AMBRA1: variants seen among roughly 807,000 people sequenced by gnomAD.
AMBRA1 encodes the protein autophagy and beclin 1 regulator 1.
AMBRA1 carries 47 observed loss-of-function variants against 125.4 expected under a neutral mutation model. The observed-to-expected ratio is 0.37, with a 90% CI of 0.30 to 0.48. The LOEUF is 0.48. AMBRA1 is among the 20% of genes least tolerant of loss of function. The pLI, the probability that AMBRA1 is intolerant of heterozygous loss-of-function variation, is 0.99. For missense variants in AMBRA1, 1,331 were observed against 1,693.4 expected (o/e 0.79, Z 3.76); for synonymous variants, 626 against 655.5 (o/e 0.95, Z 0.69).
intron 7 of AMBRA1, among the ~76,000 whole-genome samples, chr11:46,526,546 T>A (rs1238377769): frequency 1.2e-4 from 17 of 139,540 alleles, no homozygotes; most frequent in Admixed American, 2.8e-4. Flanking sequence ...AAAATTAAAA[T>A]TAAAAAAAAA....
chr11:46,402,795 CA>C (rs1945829187), intron 17 of AMBRA1, among the ~76,000 whole-genome samples: 1 of 152,114 alleles, frequency 6.6e-6, no homozygotes, highest in Non-Finnish European at 1.5e-5. Flanking sequence ...AGTAAGTGCT[CA>C]AAAAAGAATG....
intron 1 of AMBRA1, among the ~76,000 whole-genome samples, chr11:46,578,706 AC>A (rs1288103519): frequency 6.6e-6 from 1 of 150,910 alleles, no homozygotes; most frequent in African/African-American, 2.4e-5. Flanking sequence ...ACACGGTGAA[AC>A]CCTCTCTACT....
chr11:46,494,322 A>C, intron 9 of AMBRA1, 118 bp from the exon 10 acceptor site: 1 of 767,976 alleles, frequency 1.3e-6, no homozygotes, highest in Non-Finnish European at 2.1e-6. Flanking sequence ...CCCCACATAA[A>C]TTAGTCATCT....
At chr11:46,464,444 T>A (rs1000378695) in intron 11 of AMBRA1, among the ~76,000 whole-genome samples, 5 of 152,200 alleles carry the variant, frequency 3.3e-5, no homozygotes, top group African/African-American at 1.2e-4. Context: ...TAAACTCAAA[T>A]ACTGTATTCA....
chr11:46,542,236 C>T lies in AMBRA1; in HGVS notation c.1781G>A (p.Gly594Asp). 3 of 1,614,082 alleles carry T rather than the reference C, an allele frequency of 1.9e-6. No homozygotes were observed. The highest frequency in any genetic ancestry group is 1.1e-5 in the South Asian group (1 of 91,090). The change falls in exon 7 of 18, where the codon GGC (glycine) becomes GAC (aspartate). Residue 594 changes from glycine to aspartate, a missense_variant. By Grantham distance (94) the Gly-to-Asp change is moderately conservative. Around this residue, in one of 4 missense-constraint regions of AMBRA1, gnomAD observed 689 missense variants for 776.5 expected, o/e 0.89. Coordinates refer to ENST00000683756, the MANE Select transcript of AMBRA1 (RefSeq NM_001387011.1). This position sits in a 1 kb window ranked among gnomAD's most constrained non-coding sequence, Gnocchi z 5.9. Reference protein sequence around the residue: ...WERTTPNYSSGEASSSWQVPS... With the variant: ...WERTTPNYSSDEASSSWQVPS... The stretch of plus-strand genomic sequence containing the variant: ...GACCTGCCAAGAGGAACTAGCCTCG[C>T]CAGAGGAGTAGTTAGGTGTGGTTCT...
Position 46,471,719 on chromosome 11 carries a change from C to T in AMBRA1, c.2521+21889G>A, listed in dbSNP as rs567679691. Among the ~76,000 whole-genome samples the T allele has an allele frequency of 4.4e-4, 67 of 151,844 alleles. No homozygotes were observed. The East Asian group carries it at 8.7e-3, about 20-fold the overall frequency. ...CTCGGCACACTGCAACCTCCACCTC[C>T]GAGGTTCAAGCAATTCCCCTGCCTC... On this transcript the variant is annotated intron_variant, in intron 11 of 17. Coordinates refer to ENST00000683756, the MANE Select transcript of AMBRA1 (RefSeq NM_001387011.1).
chr11:46,512,532 A>G (rs1308668819), intron 8 of AMBRA1, among the ~76,000 whole-genome samples, 195 bp downstream of exon 8: 1 of 152,156 alleles, frequency 6.6e-6, no homozygotes, highest in African/African-American at 2.4e-5. Context: ...GCTTGGTCAT[A>G]ACCCTCTGTC....
intron 11 of AMBRA1, among the ~76,000 whole-genome samples, chr11:46,482,143 A>G (rs888502301): frequency 6.6e-6 from 1 of 152,084 alleles, no homozygotes; most frequent in African/African-American, 2.4e-5. Flanking sequence ...CTGGCTCCCT[A>G]TGAATTTTAG....
At chr11:46,428,314 A>G (rs1334078005) in intron 14 of AMBRA1, among the ~76,000 whole-genome samples, 1 of 152,194 alleles carries the variant, frequency 6.6e-6, no homozygotes, top group Admixed American at 6.5e-5. Context: ...CATGGCCACA[A>G]AGAAAAAGCT....
Position 46,397,286 on chromosome 11 carries a change from C to T in AMBRA1, c.*164G>A. The T allele has an allele frequency of 1.0e-6, 1 of 977,610 alleles. No individual in the cohort carries two copies. The highest frequency in any genetic ancestry group is 4.1e-5 in the South Asian group (1 of 24,272). The allele number at this position is 977,610 out of a possible 1,614,324, so 60.6% of individuals were successfully genotyped here. A position where few individuals can be genotyped will look rare whatever the true frequency, so the allele number is the denominator to read the frequency against. On this transcript the variant is annotated 3_prime_UTR_variant, in exon 18 of 18. Transcript: ENST00000683756. ...CCCGAGGCAGGCCTTGCCCATTTGA[C>T]TGTCTTGTGCCCACTGACTGATCTT...
intron 12 of AMBRA1, among the ~76,000 whole-genome samples, chr11:46,437,725 A>G (rs1202890288): frequency 6.6e-6 from 1 of 152,216 alleles, no homozygotes; most frequent in Non-Finnish European, 1.5e-5. Context: ...TTGGATCTCA[A>G]TTACTTGTTT....
At chr11:46,448,088 C>T (rs552675010) in intron 11 of AMBRA1, among the ~76,000 whole-genome samples, 1 of 152,126 alleles carries the variant, frequency 6.6e-6, no homozygotes, top group Non-Finnish European at 1.5e-5. Context: ...AAATAGTGTG[C>T]CAGGGCCAAG....
intron 1 of AMBRA1, among the ~76,000 whole-genome samples, chr11:46,587,574 T>G (rs1055890969): frequency 1.3e-5 from 2 of 152,130 alleles, no homozygotes; most frequent in African/African-American, 4.8e-5. Flanking sequence ...CAATTATGAT[T>G]CGTGATTCCA....
rs752390256 is a variant in AMBRA1 at position 46,542,011 on chromosome 11, G to A, written c.2006C>T (p.Thr669Ile). Residue 669 changes from threonine to isoleucine, a missense_variant, in exon 7 of 18, where the codon ACT becomes ATT. This residue lies in a region of AMBRA1 where 689 missense variants were observed against 776.5 expected (regional missense o/e 0.89). Transcript: ENST00000683756. The surrounding 1 kb of genome is among the most constrained non-coding windows in gnomAD (Gnocchi z 5.9). Reference protein sequence around the residue: ...RIYTQSSRSGTVSQEALHQDM... With the variant: ...RIYTQSSRSGIVSQEALHQDM... The stretch of plus-strand genomic sequence containing the variant: ...CTGATGTAAGGCCTCCTGTGACACA[G>A]TTCCAGATCTGCTGGACTGGGTGTA... The A allele has an allele frequency of 8.1e-6, 13 of 1,613,988 alleles. No homozygotes were observed. Among genetic ancestry groups the A allele is most frequent in the Non-Finnish European group, 1.1e-5 (13 of 1,180,000 alleles).
chr11:46,579,072 G>T (rs1426917848), intron 1 of AMBRA1, among the ~76,000 whole-genome samples: 1 of 143,658 alleles, frequency 7.0e-6, no homozygotes, highest in East Asian at 2.0e-4. Context: ...AAAAGATAAG[G>T]AATGAACTTT....
At chr11:46,516,577 C>A (rs976133034) in intron 7 of AMBRA1, among the ~76,000 whole-genome samples, 5 of 151,748 alleles carry the variant, frequency 3.3e-5, no homozygotes, top group Admixed American at 3.3e-4. Context: ...ACTACAGGCA[C>A]CTGCCACCAT....
intron 11 of AMBRA1, among the ~76,000 whole-genome samples, chr11:46,449,299 C>CA (rs1224843965): frequency 3.3e-5 from 5 of 151,982 alleles, no homozygotes; most frequent in African/African-American, 7.3e-5. Context: ...AAAGAATCAA[C>CA]AAAAAAACTC....
At chr11:46,408,728 A>G (rs1946143344) in intron 16 of AMBRA1, 22 bp from the exon 17 acceptor site, 1 of 1,505,488 alleles carries the variant, frequency 6.6e-7, no homozygotes, top group Non-Finnish European at 8.9e-7. Flanking sequence ...AAGGCAGACT[A>G]AAGTCAGATG....
chr11:46,584,547 C>CA lies in AMBRA1; in HGVS notation c.-121+9280dup, dbSNP rs201061717. ...ATAATAATAATAAAAAGAAAAAAAA[C>CA]AAAAAAAACAAATGAATGACTGAAA... On this transcript the variant is annotated intron_variant, in intron 1 of 17. Coordinates refer to ENST00000683756, the MANE Select transcript of AMBRA1 (RefSeq NM_001387011.1). Among the ~76,000 whole-genome samples the CA allele has an allele frequency of 4.4e-3, 659 of 150,528 alleles. 3 individuals are homozygous for CA. The highest frequency in any genetic ancestry group is 0.013 in the African/African-American group (532 of 41,122).
Sources: gnomAD v4.1 joint callset for allele counts (sites outside exome capture counted in the v4.1 genomes callset) on GRCh38, gnomAD v4.1.1 for gene constraint, gnomAD v4.1.1 regional missense constraint, Gnocchi (gnomAD v3.1) non-coding constraint, MANE v1.5 for transcripts, NCBI Gene and HGNC (gene_info 2026-07-23, HGNC 2026-07-21) for gene names.